TASOR2: variants seen among roughly 807,000 people sequenced by gnomAD.
The protein encoded by TASOR2 is transcription activation suppressor family member 2, also known as protein TASOR 2.
A neutral mutation model predicts 199.5 loss-of-function variants in TASOR2; 84 were observed. The ratio of observed to expected loss-of-function variants is 0.42; its 90% CI spans 0.35 to 0.50. The LOEUF (loss-of-function observed/expected upper bound fraction) is 0.50, where lower values mean the gene tolerates loss of function less well. TASOR2 is among the 20% of genes least tolerant of loss of function. The pLI is 0.02. For synonymous variants in TASOR2, 1,103 were observed against 1,046.6 expected, an observed-to-expected ratio of 1.05 and a Z score of -1.04; for missense variants, 2,796 against 2,835.9, an observed-to-expected ratio of 0.99 and a Z score of 0.32.
At chr10:5,712,287 A>G (rs1375358815) in intron 1 of TASOR2, 2 of 749,770 alleles carry the variant, frequency 2.7e-6, no homozygotes, top group African/African-American at 1.8e-5. Context: ...TTTCTTAGTT[A>G]TATAGGAAAG....
In TASOR2 at chr10:5,730,750, A is replaced by G. The variant is rs1332806044; in HGVS notation, c.751A>G (p.Lys251Glu). The stretch of plus-strand genomic sequence containing the variant: ...TTTTGACTTGATTCCTCCAGCTGAA[A>G]AGTGCCCTTCAGAGTCTTTAACTCA... The change falls in exon 11 of 21, where the codon AAG becomes GAG. Residue 251 changes from lysine to glutamate, a missense_variant. Physicochemically the swap from Lys to Glu is moderately conservative, Grantham distance 56. Around this residue, in one of 3 missense-constraint regions of TASOR2, gnomAD observed 847 missense variants for 887.4 expected, o/e 0.95. Transcript: ENST00000328090. This position sits in a 1 kb window ranked among gnomAD's most constrained non-coding sequence, Gnocchi z 4.1. 2.5e-6 allele frequency: 4 copies of G among 1,614,070 alleles called. No individual in the cohort carries two copies. The highest frequency in any genetic ancestry group is 3.4e-6 in the Non-Finnish European group (4 of 1,180,040).
At chr10:5,714,031 T>A in intron 2 of TASOR2, 104 bp from the exon 3 acceptor site, 1 of 527,554 alleles carries the variant, frequency 1.9e-6, no homozygotes, top group African/African-American at 2.1e-5. Flanking sequence ...TGAGACCTTG[T>A]CTCTATTGTA....
At chr10:5,703,981 G>T (rs1838249889) in intron 1 of TASOR2, among the ~76,000 whole-genome samples, 1 of 151,796 alleles carries the variant, frequency 6.6e-6, no homozygotes. Context: ...CCAGCACTTT[G>T]GGGGGCCCAG....
chr10:5,735,217 A>C, intron 11 of TASOR2, 87 bp from the exon 13 acceptor site: 1 of 1,504,278 alleles, frequency 6.6e-7, no homozygotes, highest in Non-Finnish European at 8.9e-7. Context: ...TCCCCAAAAT[A>C]AAAACAAAAC....
exon 15 of TASOR2, chr10:5,746,926 A>G (rs772398317): frequency 6.8e-6 from 11 of 1,614,188 alleles, no homozygotes; most frequent in Non-Finnish European, 9.3e-6. Flanking sequence ...TAAAAGTTCT[A>G]GTCATCTATC....
chr10:5,706,839 C>G lies in TASOR2; in HGVS notation c.-287-5984C>G, dbSNP rs1435704878. ...CTAACATGGTGAAATCCCATCTCTA[C>G]TAAAAATACAAAAATTAGCCGGGCA... On this transcript the variant is annotated intron_variant, in intron 1 of 20. Coordinates refer to ENST00000328090, the Ensembl canonical transcript of TASOR2. This position sits in a 1 kb window ranked among gnomAD's most constrained non-coding sequence, Gnocchi z 4.8. 2.6e-5 allele frequency among the ~76,000 whole-genome samples: 4 copies of G among 151,994 alleles called. No individual in the cohort carries two copies. Among genetic ancestry groups the G allele is most frequent in the Non-Finnish European group, 4.4e-5 (3 of 67,994 alleles).
At chr10:5,704,662 C>T (rs1034352830) in intron 1 of TASOR2, among the ~76,000 whole-genome samples, 2 of 151,816 alleles carry the variant, frequency 1.3e-5, no homozygotes, top group Non-Finnish European at 2.9e-5. Context: ...TGTGTTGTTC[C>T]ATTTTCTGAG....
Position 5,740,787 on chromosome 10 carries a change from AT to A in TASOR2, c.2327+295del, listed in dbSNP as rs200315351. Among the ~76,000 whole-genome samples, 187 of 152,320 alleles carry A rather than the reference AT, an allele frequency of 1.2e-3. 3 individuals are homozygous for A. In the East Asian group the frequency reaches 0.026, roughly 21 times the overall value. The stretch of plus-strand genomic sequence containing the variant: ...AAGCCCTTGTGGCTTTTGAATTTCA[AT>A]TTTTAGATGAGATCTTAATGTAAAA... On this transcript the variant is annotated intron_variant, in intron 13 of 20. Coordinates refer to ENST00000328090, the Ensembl canonical transcript of TASOR2. This position sits in a 1 kb window ranked among gnomAD's most constrained non-coding sequence, Gnocchi z 5.3.
chr10:5,712,647 C>T (rs1004892472), intron 1 of TASOR2, 176 bp from the exon 2 acceptor site: 21 of 998,260 alleles, frequency 2.1e-5, no homozygotes, highest in East Asian at 6.6e-5. Context: ...ATTTTTCAGA[C>T]GCAGCAGATC....
intron 11 of TASOR2, among the ~76,000 whole-genome samples, chr10:5,733,747 C>G (rs140439495): frequency 6.6e-6 from 1 of 151,892 alleles, no homozygotes; most frequent in Admixed American, 6.5e-5. Flanking sequence ...TAATCTTTTT[C>G]TTTTTAATTT....
chr10:5,746,444 C>T (rs1271372833), exon 15 of TASOR2: 1 of 1,614,058 alleles, frequency 6.2e-7, no homozygotes, highest in East Asian at 2.2e-5. Flanking sequence ...ATTCTTGATG[C>T]AGCAGTGCAA....
exon 15 of TASOR2, chr10:5,747,013 C>T (rs758517784): frequency 1.9e-6 from 3 of 1,614,010 alleles, no homozygotes; most frequent in South Asian, 1.1e-5. Context: ...TTCAGAAGGG[C>T]TTCTAGAACT....
intron 6 of TASOR2, 94 bp from the exon 8 acceptor site, chr10:5,723,583 A>T: frequency 1.5e-6 from 1 of 671,308 alleles, no homozygotes. Flanking sequence ...TTGTGGTTAT[A>T]TTTTTGTTTA....
chr10:5,718,935 T>C (rs1389522112), intron 3 of TASOR2, among the ~76,000 whole-genome samples: 1 of 152,202 alleles, frequency 6.6e-6, no homozygotes, highest in African/African-American at 2.4e-5. Flanking sequence ...AGCCTTGATT[T>C]CTTGCCACTA....
In TASOR2 at chr10:5,706,860, G is replaced by A. The variant is rs149726419; in HGVS notation, c.-287-5963G>A. On this transcript the variant is annotated intron_variant, in intron 1 of 20. Transcript: ENST00000328090. The surrounding 1 kb of genome is among the most constrained non-coding windows in gnomAD (Gnocchi z 4.8). ...TCTACTAAAAATACAAAAATTAGCC[G>A]GGCATGTTGCTGGGCACTTGTAATC... Among the ~76,000 whole-genome samples the A allele has an allele frequency of 1.3e-3, 196 of 152,024 alleles. 3 individuals carry two copies. In the East Asian group the frequency reaches 0.026, roughly 21 times the overall value.
chr10:5,763,004 C>A (rs1564381588), intron 20 of TASOR2, 25 bp from the exon 22 acceptor site: 2 of 1,608,504 alleles, frequency 1.2e-6, no homozygotes, highest in Non-Finnish European at 1.7e-6. Context: ...TTAAGAAGTT[C>A]TTTATCAATT....
At position 5,742,117 on chromosome 10, in the gene TASOR2, C is replaced by G; in HGVS notation, c.2348C>G (p.Pro783Arg). 6.2e-7 allele frequency: 1 copy of G among 1,613,960 alleles called. No individual in the cohort carries two copies. Among genetic ancestry groups the G allele is most frequent in the Non-Finnish European group, 8.5e-7 (1 of 1,179,972 alleles). The change falls in exon 14 of 21, where the codon CCT becomes CGT. Residue 783 changes from proline (P) to arginine (R), a missense_variant. Transcript: ENST00000328090. The surrounding 1 kb of genome is among the most constrained non-coding windows in gnomAD (Gnocchi z 4.2). ...CTTAGGCCCTGGAATACTGATTTGCCTGATAATGTGGAAGAAGTGAAGCTT... is the reference window on the plus strand; with the variant it reads ...CTTAGGCCCTGGAATACTGATTTGCGTGATAATGTGGAAGAAGTGAAGCTT...
At chr10:5,739,473 C>A in intron 12 of TASOR2, 145 bp from the exon 14 acceptor site, 1 of 734,662 alleles carries the variant, frequency 1.4e-6, no homozygotes, top group East Asian at 2.7e-5. Flanking sequence ...TGGAAGAGAC[C>A]TTAATCTAAT....
At position 5,759,460 on chromosome 10, in the gene TASOR2, T is replaced by C. The variant is rs921434941; in HGVS notation, c.6992+468T>C. 3.3e-5 allele frequency among the ~76,000 whole-genome samples: 5 copies of C among 152,350 alleles called. No individual in the cohort carries two copies. The South Asian group carries it at 6.2e-4, about 19-fold the overall frequency. The stretch of plus-strand genomic sequence containing the variant: ...AATTTATAAAAGAAAAAAATACATG[T>C]TTGATTCCTTGGCTGAAGAGAGCTG... On this transcript the variant is annotated intron_variant, in intron 18 of 20. Transcript: ENST00000328090.
Sources: allele counts gnomAD v4.1 joint callset (sites outside exome capture counted in the v4.1 genomes callset), GRCh38; gene constraint gnomAD v4.1.1; regional missense constraint gnomAD v4.1.1; non-coding constraint Gnocchi (gnomAD v3.1); transcripts MANE v1.5; gene names NCBI Gene and HGNC (gene_info 2026-07-23, HGNC 2026-07-21).